ATXN1: variants seen among roughly 807,000 people sequenced by gnomAD.
ATXN1 encodes the protein ataxin 1.
A neutral mutation model predicts 56.4 loss-of-function variants in ATXN1; 8 were observed. The ratio of observed to expected loss-of-function variants is 0.14; its 90% CI spans 0.08 to 0.26. ATXN1 has a LOEUF of 0.26. ATXN1 is among the 10% of genes least tolerant of loss of function. The pLI, the probability that ATXN1 is intolerant of heterozygous loss-of-function variation, is 1.00. For missense variants in ATXN1, 987 were observed against 1,106.5 expected, an observed-to-expected ratio of 0.89 and a Z score of 1.53; for synonymous variants, 514 against 494.6, an observed-to-expected ratio of 1.04 and a Z score of -0.52.
chr6:16,638,212 A>C (rs2113817581), intron 3 of ATXN1, among the ~76,000 whole-genome samples: 1 of 152,138 alleles, frequency 6.6e-6, no homozygotes, highest in South Asian at 2.1e-4. Context: ...TGGGAGGCTG[A>C]AGTGGAGGAT....
At chr6:16,739,572 T>C (rs996948443) in intron 2 of ATXN1, 4 of 284,602 alleles carry the variant, frequency 1.4e-5, no homozygotes, top group Admixed American at 7.9e-5. Context: ...CAAGAGGGAG[T>C]TGCTGCTCTG....
At chr6:16,692,228 C>T (rs774865186) in intron 2 of ATXN1, among the ~76,000 whole-genome samples, 1 of 152,240 alleles carries the variant, frequency 6.6e-6, no homozygotes, top group Non-Finnish European at 1.5e-5. Context: ...TGCACTCCAG[C>T]CTGGGCGACT....
chr6:16,445,300 T>C (rs912021636), intron 6 of ATXN1, among the ~76,000 whole-genome samples: 1 of 152,130 alleles, frequency 6.6e-6, no homozygotes, highest in African/African-American at 2.4e-5. Context: ...TTTATAGAAA[T>C]AGTAAAATAT....
At chr6:16,445,213 T>C (rs1223134655) in intron 6 of ATXN1, among the ~76,000 whole-genome samples, 17 of 152,310 alleles carry the variant, frequency 1.1e-4, no homozygotes, top group Admixed American at 2.6e-4. Context: ...TTTGATGATA[T>C]TGAGAAATGA....
At chr6:16,368,674 C>T (rs1034041002) in intron 6 of ATXN1, among the ~76,000 whole-genome samples, 5 of 152,128 alleles carry the variant, frequency 3.3e-5, no homozygotes, top group African/African-American at 9.7e-5. Context: ...CCAAGTCACA[C>T]ATATTCAAGG....
At chr6:16,386,655 G>A (rs930860675) in intron 6 of ATXN1, among the ~76,000 whole-genome samples, 4 of 152,194 alleles carry the variant, frequency 2.6e-5, no homozygotes, top group South Asian at 4.1e-4. Flanking sequence ...ACTGATAACA[G>A]GTCTCTGGTG....
At chr6:16,753,483 G>T (rs151138912) in intron 1 of ATXN1, 136 bp from the exon 2 acceptor site, 59 of 399,228 alleles carry the variant, frequency 1.5e-4, no homozygotes, top group African/African-American at 1.0e-3. Flanking sequence ...GCATTCTGTT[G>T]TATGAGAATT....
At chr6:16,365,899 G>C (rs1196267752) in intron 6 of ATXN1, among the ~76,000 whole-genome samples, 1 of 152,134 alleles carries the variant, frequency 6.6e-6, no homozygotes, top group Admixed American at 6.5e-5. Context: ...ATGCCTGCCT[G>C]TAATGGGTCT....
At chr6:16,560,746 T>A (rs988408794) in intron 4 of ATXN1, among the ~76,000 whole-genome samples, 1 of 152,216 alleles carries the variant, frequency 6.6e-6, no homozygotes, top group Non-Finnish European at 1.5e-5. Context: ...TTGATTCCCT[T>A]GAAGACACAT....
intron 5 of ATXN1, among the ~76,000 whole-genome samples, chr6:16,494,672 T>C (rs1312119743): frequency 6.6e-6 from 1 of 152,194 alleles, no homozygotes; most frequent in Non-Finnish European, 1.5e-5. Flanking sequence ...TGGAGAAAAG[T>C]ATGTCTGCAT....
intron 6 of ATXN1, among the ~76,000 whole-genome samples, chr6:16,342,334 CTTT>C (rs201642770): frequency 6.6e-6 from 1 of 150,612 alleles, no homozygotes; most frequent in African/African-American, 2.4e-5. Context: ...ACATTATATT[CTTT>C]TTTTTAAAAA....
At chr6:16,431,896 A>G in intron 6 of ATXN1, among the ~76,000 whole-genome samples, 1 of 152,204 alleles carries the variant, frequency 6.6e-6, no homozygotes, top group Non-Finnish European at 1.5e-5. Flanking sequence ...TGGGGGCAAA[A>G]GCAGATTCCT....
chr6:16,574,763 C>G (rs541523715), intron 4 of ATXN1, among the ~76,000 whole-genome samples: 1 of 151,784 alleles, frequency 6.6e-6, no homozygotes, highest in South Asian at 2.1e-4. Flanking sequence ...ACCTGGGTCA[C>G]GACTACTCAA....
At chr6:16,594,102 AATATATATTAGTCTAATTAAT>A (rs1762772513) in intron 3 of ATXN1, among the ~76,000 whole-genome samples, 1 of 149,344 alleles carries the variant, frequency 6.7e-6, no homozygotes. Flanking sequence ...GATAGAAGCT[AATATATATTAGTCTAATTAAT>A]ATATATATTA....
intron 2 of ATXN1, among the ~76,000 whole-genome samples, chr6:16,731,083 T>C (rs1581401014): frequency 6.6e-6 from 1 of 152,178 alleles, no homozygotes; most frequent in Non-Finnish European, 1.5e-5. Flanking sequence ...TAAAACTCCC[T>C]GAAAGACACT....
chr6:16,515,181 A>G (rs1339933679), intron 5 of ATXN1, among the ~76,000 whole-genome samples: 2 of 152,010 alleles, frequency 1.3e-5, no homozygotes, highest in East Asian at 3.9e-4. Context: ...ACACGCCCAC[A>G]GTAGTTCTCA....
intron 6 of ATXN1, among the ~76,000 whole-genome samples, chr6:16,433,546 G>C (rs551986282): frequency 6.6e-6 from 1 of 152,306 alleles, no homozygotes; most frequent in Non-Finnish European, 1.5e-5. Context: ...GTCACGTGCA[G>C]CCCAGAGGAA....
chr6:16,579,023 T>C (rs961651649), intron 4 of ATXN1, among the ~76,000 whole-genome samples: 1 of 152,208 alleles, frequency 6.6e-6, no homozygotes, highest in Non-Finnish European at 1.5e-5. Context: ...CAAACTGTCA[T>C]ATAAGTACTG....
At chr6:16,459,522 T>C (rs1759948149) in intron 6 of ATXN1, among the ~76,000 whole-genome samples, 1 of 152,188 alleles carries the variant, frequency 6.6e-6, no homozygotes, top group African/African-American at 2.4e-5. Flanking sequence ...AGTGAGGAAG[T>C]AATTCCTCTA....
Sources: gnomAD v4.1 joint callset for allele counts (sites outside exome capture counted in the v4.1 genomes callset) on GRCh38, gnomAD v4.1.1 for gene constraint, MANE v1.5 for transcripts, NCBI Gene and HGNC (gene_info 2026-07-23, HGNC 2026-07-21) for gene names.